Variants in UBE4B observed in about 807,000 individuals in gnomAD.
UBE4B encodes the protein ubiquitination factor E4B.
In UBE4B, 27 loss-of-function variants were observed where a neutral mutation model predicts 148.1. The ratio of observed to expected loss-of-function variants is 0.18; its 90% CI spans 0.13 to 0.25. The LOEUF (loss-of-function observed/expected upper bound fraction) is 0.25. Among genes scored for constraint, UBE4B ranks in the 10% least tolerant of loss-of-function variants. The pLI, the probability that UBE4B is intolerant of heterozygous loss-of-function variation, is 1.00. For synonymous variants in UBE4B, 596 were observed against 619.3 expected (o/e 0.96, Z 0.56); for missense variants, 1,170 against 1,662.4 (o/e 0.70, Z 5.15).
chr1:10,111,272 CG>C (rs1645216401), intron 7 of UBE4B, among the ~76,000 whole-genome samples: 1 of 152,056 alleles, frequency 6.6e-6, no homozygotes, highest in African/African-American at 2.4e-5. Flanking sequence ...CATGCACATA[CG>C]TGCCCCATTC....
intron 22 of UBE4B, among the ~76,000 whole-genome samples, chr1:10,159,786 T>C (rs1283370184): frequency 6.6e-6 from 1 of 152,264 alleles, no homozygotes; most frequent in Non-Finnish European, 1.5e-5. Context: ...GTTAACCGAA[T>C]TACTAGTCAA....
rs1570933316 is a variant in UBE4B, at chr1:10,123,215, G to A, written c.1554+1139G>A. Among the ~76,000 whole-genome samples, 7 of 152,232 alleles carry A rather than the reference G, an allele frequency of 4.6e-5. 3 individuals carry two copies. The highest frequency in any genetic ancestry group is 4.6e-4 in the Admixed American group (7 of 15,284). On this transcript the variant is annotated intron_variant, in intron 10 of 27. Coordinates refer to ENST00000343090, the MANE Select transcript of UBE4B (RefSeq NM_001105562.3). Reference sequence around the variant, plus strand: ...GGAGGCTGAGGCGGATGGATCGCCTGAGGTCAGGAGTTCGAGACCAGCCTG... The same window carrying A: ...GGAGGCTGAGGCGGATGGATCGCCTAAGGTCAGGAGTTCGAGACCAGCCTG...
intron 25 of UBE4B, among the ~76,000 whole-genome samples, chr1:10,177,799 A>G (rs1392402474): frequency 6.6e-6 from 1 of 152,208 alleles, no homozygotes; most frequent in Non-Finnish European, 1.5e-5. Flanking sequence ...TATAAATACA[A>G]ACTACAGCAT....
chr1:10,082,299 G>A lies in UBE4B; in HGVS notation c.211+10085G>A, dbSNP rs373089029. Reference sequence around the variant, plus strand: ...GGATCGCTTGAACCCAGGGGTTTAAGACTAGCCTGGACAACATAGCGAGAC... The same window carrying A: ...GGATCGCTTGAACCCAGGGGTTTAAAACTAGCCTGGACAACATAGCGAGAC... On this transcript the variant is annotated intron_variant, in intron 2 of 27. Coordinates refer to ENST00000343090, the MANE Select transcript of UBE4B (RefSeq NM_001105562.3). Among the ~76,000 whole-genome samples, 88 of 152,134 alleles carry A rather than the reference G, an allele frequency of 5.8e-4. 1 individual carries two copies. The highest frequency in any genetic ancestry group is 2.0e-3 in the African/African-American group (84 of 41,526).
chr1:10,125,640 T>G (rs1488752217), intron 10 of UBE4B, among the ~76,000 whole-genome samples: 1 of 152,256 alleles, frequency 6.6e-6, no homozygotes, highest in Non-Finnish European at 1.5e-5. Flanking sequence ...TTGTCAGCTG[T>G]TGTTTACAAC....
At chr1:10,052,514 T>G (rs1234279652) in intron 1 of UBE4B, among the ~76,000 whole-genome samples, 1 of 152,222 alleles carries the variant, frequency 6.6e-6, no homozygotes, top group Non-Finnish European at 1.5e-5. Flanking sequence ...AGGAATCATG[T>G]CTGTGATCAT....
At chr1:10,102,557 C>T (rs1220263440) in intron 4 of UBE4B, among the ~76,000 whole-genome samples, 1 of 151,540 alleles carries the variant, frequency 6.6e-6, no homozygotes, top group African/African-American at 2.4e-5. Context: ...AGTAGCCAGG[C>T]CCGCAACCGC....
chr1:10,161,435 T>C lies in UBE4B; in HGVS notation c.3198+149T>C. The stretch of plus-strand genomic sequence containing the variant: ...CTTCCATGAAATCATATTGCAGGAT[T>C]GGAATAGGAAAATTCTTAAATACCT... On this transcript the variant is annotated intron_variant, in intron 23 of 27. Coordinates refer to ENST00000343090, the MANE Select transcript of UBE4B (RefSeq NM_001105562.3). The surrounding 1 kb of genome is among the most constrained non-coding windows in gnomAD (Gnocchi z 4.1). 1 of 987,196 alleles carries C rather than the reference T, an allele frequency of 1.0e-6. No individual in the cohort carries two copies. Among genetic ancestry groups the C allele is most frequent in the Non-Finnish European group, 1.4e-6 (1 of 700,340 alleles). 61.2% of individuals were successfully genotyped at this position (987,196 alleles called of 1,614,324 possible). A position where few individuals can be genotyped will look rare whatever the true frequency, so the allele number is the denominator to read the frequency against.
rs534225079 is a variant in UBE4B at position 10,059,655 on chromosome 1, G to A, written c.25-12373G>A. ...CGTGGCTGCTTAGGGCAAGGCCGAGGCGTGAAGGGCGGCAGCCGATCCCTA... is the reference window on the plus strand; with the variant it reads ...CGTGGCTGCTTAGGGCAAGGCCGAGACGTGAAGGGCGGCAGCCGATCCCTA... On this transcript the variant is annotated intron_variant, in intron 1 of 27. Coordinates refer to ENST00000343090, the MANE Select transcript of UBE4B (RefSeq NM_001105562.3). The A allele has an allele frequency of 7.5e-5, 12 of 159,404 alleles. No homozygotes were observed. The East Asian group carries it at 2.1e-3, about 28-fold the overall frequency. 9.9% of individuals were successfully genotyped at this position (159,404 alleles called of 1,614,324 possible). A position where few individuals can be genotyped will look rare whatever the true frequency, so the allele number is the denominator to read the frequency against.
At chr1:10,054,783 C>CT (rs1249879519) in intron 1 of UBE4B, 19,291 of 125,496 alleles carry the variant, frequency 0.15, 2,204 homozygotes, top group African/African-American at 0.29. Flanking sequence ...TATCTTTCTC[C>CT]TTTTTTTTTT....
In UBE4B at chr1:10,106,667, C is replaced by T; in HGVS notation, c.1196+84C>T. The T allele has an allele frequency of 6.9e-7, 1 of 1,457,718 alleles. No homozygotes were observed. The highest frequency in any genetic ancestry group is 9.0e-7 in the Non-Finnish European group (1 of 1,108,564). 90.3% of individuals were successfully genotyped at this position (1,457,718 alleles called of 1,614,324 possible). ...ACGGTTTGGAAGAAGTGCTGTGTGA[C>T]ACTGACTCTGTTAAATTGTTGTTTT... On this transcript the variant is annotated intron_variant, in intron 7 of 27. Coordinates refer to ENST00000343090, the MANE Select transcript of UBE4B (RefSeq NM_001105562.3). The surrounding 1 kb of genome is among the most constrained non-coding windows in gnomAD (Gnocchi z 4.2).
At chr1:10,157,974 T>C (rs1300884645) in intron 21 of UBE4B, among the ~76,000 whole-genome samples, 1 of 152,116 alleles carries the variant, frequency 6.6e-6, no homozygotes, top group Non-Finnish European at 1.5e-5. Context: ...CTCAATAAAA[T>C]TAAACCTAAC....
At chr1:10,176,477 T>C (rs1466489588) in intron 25 of UBE4B, among the ~76,000 whole-genome samples, 1 of 152,204 alleles carries the variant, frequency 6.6e-6, no homozygotes, top group Non-Finnish European at 1.5e-5. Flanking sequence ...AAGGTTTAAG[T>C]TTCCATTCTT....
At chr1:10,159,023 AAAAG>A (rs988481204) in intron 22 of UBE4B, among the ~76,000 whole-genome samples, 2 of 151,956 alleles carry the variant, frequency 1.3e-5, no homozygotes, top group Non-Finnish European at 2.9e-5. Flanking sequence ...AAAAAAAAAA[AAAAG>A]GAAAAGAAAA....
chr1:10,149,058 T>C, intron 19 of UBE4B, 126 bp from the exon 20 acceptor site: 1 of 608,096 alleles, frequency 1.6e-6, no homozygotes, highest in South Asian at 2.7e-5. Flanking sequence ...ACATATTTAT[T>C]ACATAGTATT....
At chr1:10,149,921 TGCTTGA>T (rs1645942751) in intron 20 of UBE4B, among the ~76,000 whole-genome samples, 1 of 152,118 alleles carries the variant, frequency 6.6e-6, no homozygotes, top group Non-Finnish European at 1.5e-5. Context: ...GCAGGAGGAT[TGCTTGA>T]GCCTAGTTCA....
At chr1:10,137,921 C>CTTTTTTTTTTTTTTTTTTTTTTTTTTT (rs70998351) in intron 17 of UBE4B, among the ~76,000 whole-genome samples, 1 of 66,982 alleles carries the variant, frequency 1.5e-5, no homozygotes, top group African/African-American at 6.9e-5. Context: ...CTTACTAATT[C>CTTTTTTTTTTTTTTTTTTTTTTTTTTT]TTTTTTTTTT....
chr1:10,152,571 G>A (rs2101990594), intron 21 of UBE4B, among the ~76,000 whole-genome samples: 1 of 152,128 alleles, frequency 6.6e-6, no homozygotes, highest in East Asian at 1.9e-4. Context: ...GCCGAGGCGG[G>A]TGGATCACCT....
chr1:10,143,076 C>G (rs1645809436), intron 17 of UBE4B, among the ~76,000 whole-genome samples: 1 of 152,066 alleles, frequency 6.6e-6, no homozygotes, highest in South Asian at 2.1e-4. Flanking sequence ...CCACTGCACT[C>G]CAGGGCAACA....
Sources: allele counts gnomAD v4.1 joint callset (sites outside exome capture counted in the v4.1 genomes callset), GRCh38; gene constraint gnomAD v4.1.1; non-coding constraint Gnocchi (gnomAD v3.1); transcripts MANE v1.5; gene names NCBI Gene and HGNC (gene_info 2026-07-23, HGNC 2026-07-21).